Variants in FAT4 observed in about 807,000 individuals in gnomAD.
The protein encoded by FAT4 is protocadherin Fat 4.
A neutral mutation model predicts 303.9 loss-of-function variants in FAT4; 84 were observed. The ratio of observed to expected loss-of-function variants is 0.28; its 90% confidence interval spans 0.23 to 0.33. FAT4 has a LOEUF of 0.33. Ranked by LOEUF, FAT4 falls within the 10% of genes least tolerant of loss-of-function variation. The pLI is 1.00. For synonymous variants in FAT4, 2,307 were observed against 2,298.8 expected (o/e 1.00, Z -0.10); for missense variants, 6,005 against 6,146.8 (o/e 0.98, Z 0.77).
chr4:125,416,214 T>G (rs1158013938), intron 6 of FAT4, among the ~76,000 whole-genome samples: 5 of 152,204 alleles, frequency 3.3e-5, no homozygotes, highest in Non-Finnish European at 7.3e-5. Context: ...CTCTTAAAAA[T>G]TTTTATGAAG....
At chr4:125,474,526 A>G (rs1354493746) in intron 12 of FAT4, among the ~76,000 whole-genome samples, 1 of 151,958 alleles carries the variant, frequency 6.6e-6, no homozygotes, top group Non-Finnish European at 1.5e-5. Context: ...AGTATTTATT[A>G]TAATTTACTT....
rs756625118 is a variant in FAT4, at chr4:125,451,346, A to G, written c.10336A>G (p.Ile3446Val). ...IPSWSRFSYF[I>V]GSGNENGAFS... The stretch of plus-strand genomic sequence containing the variant: ...CAGCTGGAGCAGGTTTTCTTACTTC[A>G]TCGGATCAGGGAATGAAAATGGTGC... Residue 3446 changes from isoleucine (I) to valine (V), a missense_variant, in exon 10 of 18, where the codon ATC (isoleucine) becomes GTC (valine). Physicochemically the swap from Ile to Val is conservative, Grantham distance 29. Transcript: ENST00000394329. 1.3e-4 allele frequency: 203 copies of G among 1,614,012 alleles called. No individual in the cohort carries two copies. Among genetic ancestry groups the G allele is most frequent in the Non-Finnish European group, 1.7e-4 (195 of 1,180,012 alleles).
chr4:125,473,180 C>T (rs1448016083), intron 12 of FAT4, among the ~76,000 whole-genome samples: 1 of 151,924 alleles, frequency 6.6e-6, no homozygotes, highest in Non-Finnish European at 1.5e-5. Flanking sequence ...AATTTTATTT[C>T]TGTGAATTAG....
At position 125,488,884 on chromosome 4, in the gene FAT4, C is replaced by T. The variant is rs532480497; in HGVS notation, c.13085-1017C>T. Among the ~76,000 whole-genome samples, 430 of 152,050 alleles carry T rather than the reference C, an allele frequency of 2.8e-3. 2 individuals are homozygous for T. Among genetic ancestry groups the T allele is most frequent in the Admixed American group, 4.9e-3 (75 of 15,284 alleles). ...AGCCTGGGACGTCATCTTGATTAAC[C>T]GTAAGAGTTAATGGTTATGTAGAGG... On this transcript the variant is annotated intron_variant, in intron 17 of 17. Coordinates refer to ENST00000394329, the MANE Select transcript of FAT4 (RefSeq NM_001291303.3).
chr4:125,317,769 A>C lies in FAT4; in HGVS notation c.1358A>C (p.Gln453Pro), dbSNP rs6847454. 1.1e-5 allele frequency: 18 copies of C among 1,613,818 alleles called. No homozygotes were observed. The Middle Eastern group carries it at 6.6e-4, about 59-fold the overall frequency. Reference protein sequence around the residue: ...NYGAPPGAAVQARSSVASLVI... With the variant: ...NYGAPPGAAVPARSSVASLVI... ...GGGGCGCCCCCTGGCGCAGCAGTCC[A>C]GGCGCGCTCTTCTGTGGCAAGCCTG... The change falls in exon 2 of 18, where the codon CAG becomes CCG. Residue 453 changes from glutamine (Q) to proline (P), a missense_variant. Physicochemically the swap from Gln to Pro is moderately conservative, Grantham distance 76. Transcript: ENST00000394329. The surrounding 1 kb of genome is among the most constrained non-coding windows in gnomAD (Gnocchi z 7.0).
rs1733976502 is a variant in FAT4 at position 125,391,482 on chromosome 4, CA to C, written c.5176-7301del. On this transcript the variant is annotated intron_variant, in intron 2 of 17. Transcript: ENST00000394329. ...AAGTTGAACAATGAGAACACGTGGA[CA>C]CAGAGAAGGGAACAACACACACCAA... Among the ~76,000 whole-genome samples the C allele has an allele frequency of 2.0e-5, 3 of 152,106 alleles. No individual in the cohort carries two copies. In the South Asian group the frequency reaches 6.2e-4, roughly 32 times the overall value.
intron 7 of FAT4, among the ~76,000 whole-genome samples, chr4:125,423,468 G>T (rs1724979404): frequency 1.3e-5 from 2 of 152,216 alleles, no homozygotes; most frequent in African/African-American, 4.8e-5. Flanking sequence ...TCCACATGGT[G>T]TTGAGCCTGC....
Position 125,490,404 on chromosome 4 carries a change from C to A in FAT4, c.13588C>A (p.Gln4530Lys). The change falls in exon 18 of 18, where the codon CAG becomes AAG. Residue 4530 changes from glutamine (Q) to lysine (K), a missense_variant. Physicochemically the swap from Gln to Lys is moderately conservative, Grantham distance 53. Transcript: ENST00000394329. ...LLVLSLILCNQCRGKKAKNPK... is the reference protein window; with the variant it reads ...LLVLSLILCNKCRGKKAKNPK... ...GGTCCTTAGCCTGATCCTGTGTAACCAGTGCAGGGGGAAGAAGGCCAAAAA... is the reference window on the plus strand; with the variant it reads ...GGTCCTTAGCCTGATCCTGTGTAACAAGTGCAGGGGGAAGAAGGCCAAAAA... 1.2e-6 allele frequency: 2 copies of A among 1,614,024 alleles called. No homozygotes were observed. The highest frequency in any genetic ancestry group is 1.1e-5 in the South Asian group (1 of 91,076).
chr4:125,328,836 T>G (rs1393084471), intron 2 of FAT4, among the ~76,000 whole-genome samples: 1 of 152,194 alleles, frequency 6.6e-6, no homozygotes, highest in Non-Finnish European at 1.5e-5. Context: ...AGTCTGCCTC[T>G]GAAGTCTGTG....
At chr4:125,427,251 A>G (rs1353043688) in intron 7 of FAT4, among the ~76,000 whole-genome samples, 1 of 151,790 alleles carries the variant, frequency 6.6e-6, no homozygotes, top group Non-Finnish European at 1.5e-5. Context: ...ACGATTTTTT[A>G]AGTGTATGGT....
At chr4:125,436,149 C>T (rs917704590) in intron 8 of FAT4, among the ~76,000 whole-genome samples, 3 of 151,084 alleles carry the variant, frequency 2.0e-5, no homozygotes, top group Admixed American at 1.3e-4. Context: ...ATGTAACAAA[C>T]CTGCACATTG....
intron 11 of FAT4, among the ~76,000 whole-genome samples, chr4:125,465,663 T>A (rs1157709883): frequency 6.6e-6 from 1 of 152,190 alleles, no homozygotes; most frequent in Non-Finnish European, 1.5e-5. Context: ...CAAATGTACC[T>A]TCTTGTCACT....
In FAT4 at chr4:125,491,533, GCA is replaced by G; in HGVS notation, c.14719_14720del (p.Thr4907ProfsTer9). ...CGCAGGGCCGAGGGAGGACCTGTGGGCACCCAGGCAGCAGCACCAGGCACTGC... is the reference window on the plus strand; with the variant it reads ...CGCAGGGCCGAGGGAGGACCTGTGGGCCCAGGCAGCAGCACCAGGCACTGC... On this transcript the variant is annotated frameshift_variant, in exon 18 of 18. Transcript: ENST00000394329. LOFTEE classifies it high-confidence loss of function. 6.2e-7 allele frequency: 1 copy of G among 1,614,156 alleles called. No homozygotes were observed. The highest frequency in any genetic ancestry group is 8.5e-7 in the Non-Finnish European group (1 of 1,180,026).
At chr4:125,380,699 C>T (rs17009559) in intron 2 of FAT4, among the ~76,000 whole-genome samples, 3,383 of 152,218 alleles carry the variant, frequency 0.022, 120 homozygotes, top group African/African-American at 0.077. Context: ...AAGCAGACTG[C>T]GAGAATTCTA....
In FAT4 at chr4:125,472,754, A is replaced by T. The variant is rs1483957356; in HGVS notation, c.12214-3417A>T. Among the ~76,000 whole-genome samples, 5 of 152,228 alleles carry T rather than the reference A, an allele frequency of 3.3e-5. 1 individual carries two copies. Among genetic ancestry groups the T allele is most frequent in the African/African-American group, 9.6e-5 (4 of 41,460 alleles). On this transcript the variant is annotated intron_variant, in intron 12 of 17. Transcript: ENST00000394329. ...GAACTATTTTTAATTATGAGGGGGA[A>T]AAAGAATAATGATTAGCTTTAAATA...
At chr4:125,390,376 A>G (rs1419430833) in intron 2 of FAT4, among the ~76,000 whole-genome samples, 2 of 152,146 alleles carry the variant, frequency 1.3e-5, no homozygotes, top group East Asian at 3.9e-4. Flanking sequence ...TCAGGCAGGA[A>G]AGGTGGAGTT....
At position 125,406,988 on chromosome 4, in the gene FAT4, C is replaced by T. The variant is rs745489320; in HGVS notation, c.5416C>T (p.Arg1806Cys). The T allele has an allele frequency of 5.6e-6, 9 of 1,613,666 alleles. No homozygotes were observed. Among genetic ancestry groups the T allele is most frequent in the South Asian group, 4.4e-5 (4 of 91,078 alleles). Reference protein sequence around the residue: ...LIATRRLDRERRSKYSLLVRA... With the variant: ...LIATRRLDRECRSKYSLLVRA... ...AGCAACCAGGCGGTTGGACAGGGAACGCCGCTCCAAATATTCACTGCTAGT... is the reference window on the plus strand; with the variant it reads ...AGCAACCAGGCGGTTGGACAGGGAATGCCGCTCCAAATATTCACTGCTAGT... The change falls in exon 4 of 18, where the codon CGC (arginine) becomes TGC (cysteine). Residue 1806 changes from arginine to cysteine, a missense_variant. Coordinates refer to ENST00000394329, the MANE Select transcript of FAT4 (RefSeq NM_001291303.3).
chr4:125,462,128 T>A (rs1046654693), intron 10 of FAT4, among the ~76,000 whole-genome samples: 8 of 151,964 alleles, frequency 5.3e-5, no homozygotes, highest in African/African-American at 1.9e-4. Flanking sequence ...TATGATTCTG[T>A]GATGTACAGA....
chr4:125,327,942 AG>A (rs1191815212), intron 2 of FAT4, among the ~76,000 whole-genome samples: 1 of 152,198 alleles, frequency 6.6e-6, no homozygotes, highest in Non-Finnish European at 1.5e-5. Flanking sequence ...TAGTGACTGT[AG>A]CAAACTGCAT....
Sources: gnomAD v4.1 joint callset for allele counts (sites outside exome capture counted in the v4.1 genomes callset) on GRCh38, gnomAD v4.1.1 for gene constraint, Gnocchi (gnomAD v3.1) non-coding constraint, MANE v1.5 for transcripts, NCBI Gene and HGNC (gene_info 2026-07-23, HGNC 2026-07-21) for gene names.